STARD9: variants seen among roughly 807,000 people sequenced by gnomAD.
STARD9 encodes StAR related lipid transfer domain containing 9.
In STARD9, 346 loss-of-function variants were observed where a neutral mutation model predicts 399.8. The ratio of observed to expected loss-of-function variants is 0.87; its 90% confidence interval spans 0.79 to 0.95. STARD9 has a LOEUF of 0.95. Ranked by LOEUF, STARD9 falls within the 40% of genes least tolerant of loss-of-function variation. The probability of loss-of-function intolerance (pLI) is 0.00; values close to 1 mark genes in which losing one functional copy is unlikely to be tolerated. For missense variants in STARD9, 5,832 were observed against 5,667.5 expected (o/e 1.03, Z -0.93); for synonymous variants, 2,203 against 2,143.5 (o/e 1.03, Z -0.77).
rs182397881 is a variant in STARD9 at position 42,655,276 on chromosome 15, C to T, written c.702+2684C>T. Reference sequence around the variant, plus strand: ...CAGCCTGGGCAACAGAGTGAGACTTCGTCTCAAAAACAACAACAAAACCAA... The same window carrying T: ...CAGCCTGGGCAACAGAGTGAGACTTTGTCTCAAAAACAACAACAAAACCAA... On this transcript the variant is annotated intron_variant, in intron 9 of 32. Transcript: ENST00000290607. Among the ~76,000 whole-genome samples the T allele has an allele frequency of 8.5e-5, 13 of 152,262 alleles. No homozygotes were observed. The East Asian group carries it at 2.5e-3, about 29-fold the overall frequency.
At chr15:42,684,020 A>C in intron 22 of STARD9, 96 bp from the exon 23 acceptor site, 2 of 1,338,980 alleles carry the variant, frequency 1.5e-6, no homozygotes, top group Non-Finnish European at 2.0e-6. Context: ...TGAAGTCTAT[A>C]GGAGACAGTG....
In STARD9 at chr15:42,685,837, C is replaced by G. The variant is rs374845940; in HGVS notation, c.4259C>G (p.Thr1420Arg). 5 of 1,537,008 alleles carry G rather than the reference C, an allele frequency of 3.3e-6. No individual in the cohort carries two copies. The highest frequency in any genetic ancestry group is 2.4e-5 in the East Asian group (1 of 40,930). The change falls in exon 23 of 33, where the codon ACG becomes AGG. Residue 1420 changes from threonine to arginine, a missense_variant. Coordinates refer to ENST00000290607, the MANE Select transcript of STARD9 (RefSeq NM_020759.3). ...GAGCACACAGCCTCTGCTGCTGATA[C>G]GTCTAGGCTGTCTCTCTGGGGAATT... ...RDEHTASAAD[T>R]SRLSLWGIQR...
chr15:42,610,980 A>G (rs913852965), intron 3 of STARD9, among the ~76,000 whole-genome samples: 2 of 152,180 alleles, frequency 1.3e-5, no homozygotes, highest in Non-Finnish European at 2.9e-5. Context: ...TTTATTTTCA[A>G]TGATAAATTA....
intron 6 of STARD9, among the ~76,000 whole-genome samples, chr15:42,638,335 G>A (rs1188985511): frequency 6.6e-6 from 1 of 152,112 alleles, no homozygotes; most frequent in African/African-American, 2.4e-5. Context: ...TGGCTGTCTA[G>A]TAGCCCTTGA....
intron 20 of STARD9, among the ~76,000 whole-genome samples, chr15:42,678,864 C>T (rs1052995269): frequency 6.6e-6 from 1 of 152,220 alleles, no homozygotes; most frequent in Non-Finnish European, 1.5e-5. Flanking sequence ...CACCTGCTTT[C>T]TGGGAACTTG....
At chr15:42,622,375 C>T (rs1455873219) in intron 3 of STARD9, among the ~76,000 whole-genome samples, 2 of 152,174 alleles carry the variant, frequency 1.3e-5, no homozygotes, top group Admixed American at 6.5e-5. Context: ...CTCTGTCTCT[C>T]TCTTTTTTTA....
At chr15:42,596,477 A>G (rs533293142) in intron 3 of STARD9, among the ~76,000 whole-genome samples, 1 of 152,330 alleles carries the variant, frequency 6.6e-6, no homozygotes, top group South Asian at 2.1e-4. Context: ...AAACGAGAGG[A>G]TATAAAATGA....
At position 42,682,464 on chromosome 15, in the gene STARD9, T is replaced by G. The variant is rs554358938; in HGVS notation, c.2426T>G (p.Val809Gly). The change falls in exon 22 of 33, where the codon GTC becomes GGC. Residue 809 changes from valine (V) to glycine (G), a missense_variant. Val to Gly is a moderately radical substitution (Grantham distance 109). Around this residue, in one of 2 missense-constraint regions of STARD9, gnomAD observed 5,828 missense variants for 5,651.1 expected, o/e 1.03. Transcript: ENST00000290607. Reference sequence around the variant, plus strand: ...AGCACCCAGGAGCCCCCATACCAGGTCCTCAGCCCTGATGCCACAGTCCCA... The same window carrying G: ...AGCACCCAGGAGCCCCCATACCAGGGCCTCAGCCCTGATGCCACAGTCCCA... ...DDSTQEPPYQ[V>G]LSPDATVPRP... 15 of 1,537,078 alleles carry G rather than the reference T, an allele frequency of 9.8e-6. No individual in the cohort carries two copies. In the African/African-American group the frequency reaches 1.9e-4, roughly 20 times the overall value.
At position 42,684,489 on chromosome 15, in the gene STARD9, A is replaced by G. The variant is rs375001385; in HGVS notation, c.2911A>G (p.Thr971Ala). 45 of 1,537,078 alleles carry G rather than the reference A, an allele frequency of 2.9e-5. No homozygotes were observed. The highest frequency in any genetic ancestry group is 1.7e-4 in the Middle Eastern group (1 of 6,012). ...GCATGAGCCAAAGATCTTCACCTCT[A>G]CTACCCAGACCAGAGGGGCGAAGGG... Reference protein sequence around the residue: ...PRHEPKIFTSTTQTRGAKGLA... With the variant: ...PRHEPKIFTSATQTRGAKGLA... Residue 971 changes from threonine to alanine, a missense_variant, in exon 23 of 33, where the codon ACT becomes GCT. By Grantham distance (58) the Thr-to-Ala change is moderately conservative (BLOSUM62 0). Around this residue, in one of 2 missense-constraint regions of STARD9, gnomAD observed 5,828 missense variants for 5,651.1 expected, o/e 1.03. Transcript: ENST00000290607.
At chr15:42,633,682 C>T (rs556780600) in intron 3 of STARD9, among the ~76,000 whole-genome samples, 37 of 146,578 alleles carry the variant, frequency 2.5e-4, no homozygotes, top group Middle Eastern at 3.6e-3. Context: ...CTCACTCTGT[C>T]GCCTAGGCTG....
At chr15:42,680,813 T>C (rs1381045654) in intron 20 of STARD9, among the ~76,000 whole-genome samples, 1 of 152,298 alleles carries the variant, frequency 6.6e-6, no homozygotes, top group East Asian at 1.9e-4. Flanking sequence ...AGTCTAAAAC[T>C]CTTGAATCCT....
chr15:42,661,607 G>GCTTT (rs35259107), intron 10 of STARD9, among the ~76,000 whole-genome samples: 4,298 of 151,754 alleles, frequency 0.028, 180 homozygotes, highest in African/African-American at 0.089. Flanking sequence ...ACCACATCTG[G>GCTTT]CTTTCTTTCT....
Position 42,663,861 on chromosome 15 carries a change from A to G in STARD9, c.1120A>G (p.Thr374Ala), listed in dbSNP as rs751037664. Residue 374 changes from threonine to alanine, a missense_variant, in exon 13 of 33, where the codon ACA becomes GCA. Thr to Ala is a moderately conservative substitution (Grantham distance 58, BLOSUM62 0). Around this residue, in one of 2 missense-constraint regions of STARD9, gnomAD observed 5,828 missense variants for 5,651.1 expected, o/e 1.03. Transcript: ENST00000290607. ...CACTAGCTACAGTGAGACCATGAGCACACTGAGATATGCATCCAGTGCCAA... is the reference window on the plus strand; with the variant it reads ...CACTAGCTACAGTGAGACCATGAGCGCACTGAGATATGCATCCAGTGCCAA... ...AHTSYSETMSTLRYASSAKNI... is the reference protein window; with the variant it reads ...AHTSYSETMSALRYASSAKNI... 1 of 1,537,148 alleles carries G rather than the reference A, an allele frequency of 6.5e-7. No individual in the cohort carries two copies. Among genetic ancestry groups the G allele is most frequent in the East Asian group, 2.4e-5 (1 of 40,926 alleles).
intron 3 of STARD9, among the ~76,000 whole-genome samples, chr15:42,607,092 C>T (rs2058742262): frequency 2.6e-5 from 4 of 151,372 alleles, no homozygotes; most frequent in Admixed American, 2.6e-4. Context: ...GGACTACAGG[C>T]ATGTGCCACG....
Position 42,649,030 on chromosome 15 carries a change from C to T in STARD9, c.560-1986C>T, listed in dbSNP as rs140632314. ...GAGATTACAGGTGTGCACACCTAGC[C>T]TCCATTTTTTTTTCTTTGAGATGGA... On this transcript the variant is annotated intron_variant, in intron 7 of 32. Transcript: ENST00000290607. Among the ~76,000 whole-genome samples, 561 of 152,102 alleles carry T rather than the reference C, an allele frequency of 3.7e-3. 1 individual carries two copies. The highest frequency in any genetic ancestry group is 6.9e-3 in the Non-Finnish European group (467 of 67,988).
chr15:42,613,698 C>T (rs981785381), intron 3 of STARD9, among the ~76,000 whole-genome samples: 1 of 152,180 alleles, frequency 6.6e-6, no homozygotes, highest in Non-Finnish European at 1.5e-5. Context: ...GGCGAGATGG[C>T]TCACACCTGT....
chr15:42,688,680 A>G lies in STARD9; in HGVS notation c.7102A>G (p.Lys2368Glu). 3 of 1,537,656 alleles carry G rather than the reference A, an allele frequency of 2.0e-6. No homozygotes were observed. The highest frequency in any genetic ancestry group is 2.6e-6 in the Non-Finnish European group (3 of 1,147,022). The change falls in exon 23 of 33, where the codon AAA (lysine) becomes GAA (glutamate). Residue 2368 changes from lysine (K) to glutamate (E), a missense_variant. Lys to Glu is a moderately conservative substitution (Grantham distance 56). This residue lies in a region of STARD9 where 5,828 missense variants were observed against 5,651.1 expected (regional missense o/e 1.03). Coordinates refer to ENST00000290607, the MANE Select transcript of STARD9 (RefSeq NM_020759.3). Reference protein sequence around the residue: ...LDCVLDLTMLKIHNSPLVTGV... With the variant: ...LDCVLDLTMLEIHNSPLVTGV... ...CTGTGTGCTGGATCTCACAATGTTG[A>G]AAATTCATAACAGTCCCTTGGTAAC...
rs150729042 is a variant in STARD9 at position 42,658,549 on chromosome 15, C to G, written c.703-2609C>G. The stretch of plus-strand genomic sequence containing the variant: ...CCAGGCTGGAGCACAGTGGCACAAT[C>G]TTGACTCATTGCAACCTCCACCTCC... On this transcript the variant is annotated intron_variant, in intron 9 of 32. Coordinates refer to ENST00000290607, the MANE Select transcript of STARD9 (RefSeq NM_020759.3). Among the ~76,000 whole-genome samples the G allele has an allele frequency of 8.4e-3, 1,256 of 149,398 alleles. 23 individuals are homozygous for G. The highest frequency in any genetic ancestry group is 0.029 in the African/African-American group (1,172 of 40,386).
rs2059986142 is a variant in STARD9 at position 42,661,159 on chromosome 15, C to A, written c.704C>A (p.Ala235Glu). 2.6e-6 allele frequency: 4 copies of A among 1,534,988 alleles called. No individual in the cohort carries two copies. In the East Asian group the frequency reaches 7.3e-5, roughly 28 times the overall value. ...HAIFTIHYTQ[A>E]ILENNLPSEM... Reference sequence around the variant, plus strand: ...GGCTTTAAATGTTTTCTCCTCTAGGCAATCCTGGAGAACAACCTCCCTTCT... The same window carrying A: ...GGCTTTAAATGTTTTCTCCTCTAGGAAATCCTGGAGAACAACCTCCCTTCT... Residue 235 changes from alanine (A) to glutamate (E), a missense_variant and splice_region_variant, in exon 10 of 33, where the codon GCA (alanine) becomes GAA (glutamate). Ala to Glu is a moderately radical substitution (Grantham distance 107). Coordinates refer to ENST00000290607, the MANE Select transcript of STARD9 (RefSeq NM_020759.3).
Sources: allele counts gnomAD v4.1 joint callset (sites outside exome capture counted in the v4.1 genomes callset), GRCh38; gene constraint gnomAD v4.1.1; regional missense constraint gnomAD v4.1.1; transcripts MANE v1.5; gene names NCBI Gene and HGNC (gene_info 2026-07-23, HGNC 2026-07-21).